EHBP1: variants seen among roughly 807,000 people sequenced by gnomAD.
EHBP1 encodes the protein EH domain-binding protein 1.
A neutral mutation model predicts 144.0 loss-of-function variants in EHBP1; 55 were observed. The ratio of observed to expected loss-of-function variants is 0.38; its 90% CI spans 0.31 to 0.48. The LOEUF (loss-of-function observed/expected upper bound fraction) is 0.48. Ranked by LOEUF, EHBP1 falls within the 20% of genes least tolerant of loss-of-function variation. EHBP1 has a pLI of 0.98. For synonymous variants in EHBP1, 469 were observed against 472.7 expected (o/e 0.99, Z 0.10); for missense variants, 1,200 against 1,364.2 (o/e 0.88, Z 1.90).
At chr2:62,681,307 A>AAT (rs1288429722) in intron 1 of EHBP1, among the ~76,000 whole-genome samples, 8 of 82,158 alleles carry the variant, frequency 9.7e-5, no homozygotes, top group South Asian at 7.7e-4. Context: ...CTCCATCTCA[A>AAT]ATATATATAT....
At chr2:62,691,309 A>G (rs1484144416) in intron 1 of EHBP1, among the ~76,000 whole-genome samples, 1 of 152,230 alleles carries the variant, frequency 6.6e-6, no homozygotes, top group African/African-American at 2.4e-5. Flanking sequence ...CCAGCTTGAT[A>G]CTTTGCCATC....
intron 14 of EHBP1, among the ~76,000 whole-genome samples, chr2:62,964,187 G>C (rs925716470): frequency 1.3e-5 from 2 of 151,972 alleles, no homozygotes; most frequent in Non-Finnish European, 2.9e-5. Flanking sequence ...GCATTGTTGT[G>C]GAGGAAAAAA....
chr2:62,797,206 C>G (rs888182696), intron 5 of EHBP1, among the ~76,000 whole-genome samples: 15 of 152,168 alleles, frequency 9.9e-5, no homozygotes, highest in African/African-American at 3.6e-4. Context: ...CTTAGCTATG[C>G]ATGGCTTTTG....
chr2:62,831,927 G>C (rs1174663280), intron 7 of EHBP1, among the ~76,000 whole-genome samples: 4 of 152,092 alleles, frequency 2.6e-5, no homozygotes, highest in Non-Finnish European at 5.9e-5. Flanking sequence ...TTGCTATCAT[G>C]TGGGGGATTT....
chr2:62,945,898 A>G (rs867302807), intron 12 of EHBP1, among the ~76,000 whole-genome samples: 1 of 152,238 alleles, frequency 6.6e-6, no homozygotes, highest in Non-Finnish European at 1.5e-5. Flanking sequence ...TCTTACAGAA[A>G]TTACCCTTTG....
intron 5 of EHBP1, among the ~76,000 whole-genome samples, chr2:62,773,007 G>A (rs2041784340): frequency 6.6e-6 from 1 of 152,068 alleles, no homozygotes; most frequent in South Asian, 2.1e-4. Flanking sequence ...TTAATGCATG[G>A]GAAAGAGCAC....
At chr2:62,684,084 A>G (rs1344320582) in intron 1 of EHBP1, among the ~76,000 whole-genome samples, 1 of 152,236 alleles carries the variant, frequency 6.6e-6, no homozygotes, top group African/African-American at 2.4e-5. Context: ...TAGTATTGTC[A>G]TCTTAGGAAA....
At chr2:62,963,123 G>A (rs1380206508) in intron 14 of EHBP1, among the ~76,000 whole-genome samples, 2 of 152,200 alleles carry the variant, frequency 1.3e-5, no homozygotes, top group Non-Finnish European at 2.9e-5. Flanking sequence ...TTAGTTAACT[G>A]CTAAGACCAG....
chr2:62,905,244 TGAG>T (rs879475803), intron 10 of EHBP1, among the ~76,000 whole-genome samples: 2 of 151,884 alleles, frequency 1.3e-5, no homozygotes, highest in African/African-American at 2.4e-5. Flanking sequence ...ATCTAAAAGG[TGAG>T]AATGGGTTAG....
chr2:62,979,001 T>C (rs1328326770), intron 14 of EHBP1, among the ~76,000 whole-genome samples, 187 bp from the exon 15 acceptor site: 1 of 152,222 alleles, frequency 6.6e-6, no homozygotes, highest in Non-Finnish European at 1.5e-5. Context: ...AATTTGTAAA[T>C]GTTTTTAAAA....
chr2:62,732,653 T>C (rs535152347), intron 2 of EHBP1, among the ~76,000 whole-genome samples: 1 of 152,310 alleles, frequency 6.6e-6, no homozygotes, highest in East Asian at 1.9e-4. Context: ...TAAAGTTTCC[T>C]GAGGCCTCCC....
At chr2:62,912,677 T>G (rs2054321759) in intron 10 of EHBP1, among the ~76,000 whole-genome samples, 1 of 152,246 alleles carries the variant, frequency 6.6e-6, no homozygotes, top group Non-Finnish European at 1.5e-5. Context: ...AAAGTGTATT[T>G]AAATATAATT....
intron 10 of EHBP1, among the ~76,000 whole-genome samples, chr2:62,882,510 A>T (rs1283318996): frequency 6.6e-6 from 1 of 152,214 alleles, no homozygotes; most frequent in African/African-American, 2.4e-5. Flanking sequence ...CTAGTCCCTC[A>T]TTGCCTACTT....
At chr2:62,926,256 T>C (rs2055498762) in intron 10 of EHBP1, among the ~76,000 whole-genome samples, 1 of 152,024 alleles carries the variant, frequency 6.6e-6, no homozygotes, top group African/African-American at 2.4e-5. Context: ...ACCTGAAGCA[T>C]TGAAACTACT....
chr2:62,971,968 T>C lies in EHBP1; in HGVS notation c.2461-7220T>C, dbSNP rs567173904. 2.6e-5 allele frequency among the ~76,000 whole-genome samples: 4 copies of C among 152,264 alleles called. No homozygotes were observed. In the South Asian group the frequency reaches 6.2e-4, roughly 24 times the overall value. ...CAGACCCTTTCTCAGAAACAGGAAG[T>C]CTAACTACTTCAATTTATTTAAGTC... On this transcript the variant is annotated intron_variant, in intron 14 of 22. Coordinates refer to ENST00000431489, the MANE Select transcript of EHBP1 (RefSeq NM_001142616.3).
chr2:62,848,362 T>A (rs1284855318), intron 7 of EHBP1, among the ~76,000 whole-genome samples: 1 of 152,074 alleles, frequency 6.6e-6, no homozygotes, highest in Non-Finnish European at 1.5e-5. Flanking sequence ...GGATTACAGG[T>A]GTGAGCCACC....
intron 2 of EHBP1, among the ~76,000 whole-genome samples, chr2:62,731,648 T>C (rs549041451): frequency 2.6e-5 from 4 of 152,230 alleles, no homozygotes; most frequent in Non-Finnish European, 5.9e-5. Context: ...CATCTAATGA[T>C]ATAATCATAT....
At chr2:63,038,243 T>C (rs765096077) in intron 20 of EHBP1, among the ~76,000 whole-genome samples, 11 of 152,112 alleles carry the variant, frequency 7.2e-5, no homozygotes, top group Non-Finnish European at 4.4e-5. Context: ...TGAGCAGGCT[T>C]ACGTGGTTTA....
At chr2:63,029,826 T>G (rs1172955146) in intron 19 of EHBP1, among the ~76,000 whole-genome samples, 1 of 152,130 alleles carries the variant, frequency 6.6e-6, no homozygotes, top group African/African-American at 2.4e-5. Flanking sequence ...CCTCCCAGAT[T>G]CAAGCGATTC....
Sources: allele counts gnomAD v4.1 joint callset (sites outside exome capture counted in the v4.1 genomes callset), GRCh38; gene constraint gnomAD v4.1.1; transcripts MANE v1.5; gene names NCBI Gene and HGNC (gene_info 2026-07-23, HGNC 2026-07-21).